Variants in PARD3B observed in about 807,000 individuals in gnomAD.
The protein encoded by PARD3B is partitioning defective 3 homolog B.
Under a neutral mutation model 130.2 loss-of-function variants are expected in PARD3B, and 103 were observed. That is an observed-to-expected ratio of 0.79 (90% CI 0.67 to 0.93). PARD3B has a LOEUF of 0.93. PARD3B is among the 40% of genes least tolerant of loss of function. The pLI, the probability that PARD3B is intolerant of heterozygous loss-of-function variation, is 0.00. For missense variants in PARD3B, 1,609 were observed against 1,499.2 expected (o/e 1.07, Z -1.21); for synonymous variants, 583 against 553.2 (o/e 1.05, Z -0.76).
rs527993555 is a variant in PARD3B, at chr2:205,415,597, G to A, written c.2741+14474G>A. Among the ~76,000 whole-genome samples, 14 of 152,172 alleles carry A rather than the reference G, an allele frequency of 9.2e-5. No individual in the cohort carries two copies. The East Asian group carries it at 2.7e-3, about 29-fold the overall frequency. Reference sequence around the variant, plus strand: ...TCCCATTGAATGAAAAATATTCAGAGGAATAAGCACACTCTACTGAAGCTA... The same window carrying A: ...TCCCATTGAATGAAAAATATTCAGAAGAATAAGCACACTCTACTGAAGCTA... On this transcript the variant is annotated intron_variant, in intron 19 of 22. Coordinates refer to ENST00000406610, the MANE Select transcript of PARD3B (RefSeq NM_001302769.2).
chr2:204,920,362 A>C (rs2047625417), intron 2 of PARD3B, among the ~76,000 whole-genome samples: 1 of 152,172 alleles, frequency 6.6e-6, no homozygotes, highest in Admixed American at 6.5e-5. Context: ...TTCCCCTCAG[A>C]GTTTTCAAGA....
chr2:204,694,477 CTGTAGTTCAG>C (rs2037516238), intron 2 of PARD3B, among the ~76,000 whole-genome samples: 1 of 152,032 alleles, frequency 6.6e-6, no homozygotes, highest in East Asian at 1.9e-4. Context: ...GACTTCTTAC[CTGTAGTTCAG>C]TGTTTCATAA....
At chr2:205,544,655 G>A (rs1316717844) in intron 21 of PARD3B, among the ~76,000 whole-genome samples, 2 of 152,030 alleles carry the variant, frequency 1.3e-5, no homozygotes, top group African/African-American at 4.8e-5. Flanking sequence ...CAGTGTACAT[G>A]CAGCTAGTAC....
chr2:205,524,098 T>G (rs1348544094), intron 21 of PARD3B, among the ~76,000 whole-genome samples: 2 of 152,148 alleles, frequency 1.3e-5, no homozygotes, highest in Non-Finnish European at 2.9e-5. Flanking sequence ...TCTAAGTAAC[T>G]TGTTTTCTCT....
At chr2:205,049,801 G>A (rs531014246) in intron 4 of PARD3B, among the ~76,000 whole-genome samples, 132 of 152,270 alleles carry the variant, frequency 8.7e-4, no homozygotes, top group African/African-American at 2.9e-3. Context: ...ACTTATGCAA[G>A]TGATCAAATA....
chr2:204,998,202 G>T (rs1016814991), intron 3 of PARD3B, among the ~76,000 whole-genome samples: 1 of 148,380 alleles, frequency 6.7e-6, no homozygotes, highest in Admixed American at 6.7e-5. Flanking sequence ...ATAGCATTAG[G>T]GGAAATACCT....
intron 20 of PARD3B, among the ~76,000 whole-genome samples, chr2:205,479,434 T>C (rs1264185980): frequency 2.0e-5 from 3 of 152,156 alleles, no homozygotes; most frequent in African/African-American, 7.2e-5. Context: ...AGACTCAAAA[T>C]GTATAAAACC....
rs2052566819 is a variant in PARD3B at position 205,550,432 on chromosome 2, A to G, written c.3181-2892A>G. On this transcript the variant is annotated intron_variant, in intron 21 of 22. Coordinates refer to ENST00000406610, the MANE Select transcript of PARD3B (RefSeq NM_001302769.2). This position sits in a 1 kb window ranked among gnomAD's most constrained non-coding sequence, Gnocchi z 4.5. ...ATTAATGATGTTGCAGTATCAATGG[A>G]GAAACATACAAAGATATACACAATT... 6.6e-6 allele frequency among the ~76,000 whole-genome samples: 1 copy of G among 152,210 alleles called. No homozygotes were observed. The highest frequency in any genetic ancestry group is 2.1e-4 in the South Asian group (1 of 4,836).
At position 205,616,089 on chromosome 2, in the gene PARD3B, G is replaced by C. The variant is rs2055424646; in HGVS notation, c.*276G>C. On this transcript the variant is annotated 3_prime_UTR_variant, in exon 23 of 23. Transcript: ENST00000406610. ...CTTTCAGAGTTGTTCAAATCAGTGA[G>C]AGTGGCAACGGAACACACAAACAAC... 4.7e-6 allele frequency: 2 copies of C among 425,648 alleles called. No homozygotes were observed. Among genetic ancestry groups the C allele is most frequent in the African/African-American group, 4.0e-5 (2 of 49,704 alleles). 26.4% of individuals were successfully genotyped at this position (425,648 alleles called of 1,614,324 possible).
chr2:204,710,513 A>C (rs2038382775), intron 2 of PARD3B, among the ~76,000 whole-genome samples: 1 of 152,244 alleles, frequency 6.6e-6, no homozygotes, highest in South Asian at 2.1e-4. Context: ...AGGCATGCTC[A>C]TGTGGTAGAA....
At chr2:204,916,509 T>G (rs1230850939) in intron 2 of PARD3B, among the ~76,000 whole-genome samples, 1 of 152,228 alleles carries the variant, frequency 6.6e-6, no homozygotes, top group Non-Finnish European at 1.5e-5. Context: ...ATATTGAATT[T>G]TAAATTCTAT....
At chr2:204,836,872 T>C (rs2044054653) in intron 2 of PARD3B, among the ~76,000 whole-genome samples, 1 of 152,144 alleles carries the variant, frequency 6.6e-6, no homozygotes, top group Non-Finnish European at 1.5e-5. Context: ...ATTTTAGATA[T>C]TTTCTACAGT....
intron 22 of PARD3B, among the ~76,000 whole-genome samples, chr2:205,567,168 A>G (rs952175347): frequency 1.3e-5 from 2 of 152,182 alleles, no homozygotes; most frequent in Admixed American, 1.3e-4. Flanking sequence ...CAGTGTGTAT[A>G]TTTAATAATA....
chr2:204,755,876 T>C (rs969403083), intron 2 of PARD3B, among the ~76,000 whole-genome samples: 1 of 152,132 alleles, frequency 6.6e-6, no homozygotes, highest in Non-Finnish European at 1.5e-5. Flanking sequence ...AGGAAGTGAT[T>C]GCTGTGAGCA....
At chr2:205,059,061 G>C (rs2125450085) in intron 4 of PARD3B, among the ~76,000 whole-genome samples, 1 of 151,316 alleles carries the variant, frequency 6.6e-6, no homozygotes, top group South Asian at 2.1e-4. Flanking sequence ...TTATAGTTTT[G>C]GCTCTTAGGT....
chr2:204,568,983 T>G (rs2031842079), intron 1 of PARD3B, among the ~76,000 whole-genome samples: 1 of 150,666 alleles, frequency 6.6e-6, no homozygotes, highest in Non-Finnish European at 1.5e-5. Flanking sequence ...GCAGGAAAAC[T>G]CAGGCATATT....
In PARD3B at chr2:205,116,141, TA is replaced by T. The variant is rs529472865; in HGVS notation, c.680+2572del. ...TTTCCCAGTAAAAACAAAGCAAACA[TA>T]AAAAAAACACCAAAGTTCTTGCAAC... is the stretch of plus-strand genomic sequence containing the variant. On this transcript the variant is annotated intron_variant, in intron 6 of 22. Transcript: ENST00000406610. The surrounding 1 kb of genome is among the most constrained non-coding windows in gnomAD (Gnocchi z 4.5). Among the ~76,000 whole-genome samples, 87 of 151,960 alleles carry T rather than the reference TA, an allele frequency of 5.7e-4. 1 individual carries two copies. Among genetic ancestry groups the T allele is most frequent in the Admixed American group, 5.6e-3 (86 of 15,254 alleles).
intron 2 of PARD3B, among the ~76,000 whole-genome samples, chr2:204,954,586 A>G (rs1690074681): frequency 6.6e-6 from 1 of 152,044 alleles, no homozygotes; most frequent in Admixed American, 6.6e-5. Context: ...TTTGCAGTCC[A>G]CTCGCTACCT....
intron 13 of PARD3B, among the ~76,000 whole-genome samples, chr2:205,178,178 A>AAAAAAC (rs2035583674): frequency 7.3e-6 from 1 of 137,428 alleles, no homozygotes; most frequent in Non-Finnish European, 1.6e-5. Flanking sequence ...AAAAAAAAAA[A>AAAAAAC]TTAGTCTGAT....
Sources: gnomAD v4.1 joint callset for allele counts (sites outside exome capture counted in the v4.1 genomes callset) on GRCh38, gnomAD v4.1.1 for gene constraint, Gnocchi (gnomAD v3.1) non-coding constraint, MANE v1.5 for transcripts, NCBI Gene and HGNC (gene_info 2026-07-23, HGNC 2026-07-21) for gene names.